The following FRMPD4 variants were observed in gnomAD, a reference collection of about 807,000 sequenced individuals.
FRMPD4 encodes the protein FERM and PDZ domain-containing protein 4.
Under a neutral mutation model 94.1 loss-of-function variants are expected in FRMPD4, and 22 were observed. That is an observed-to-expected ratio of 0.23 (90% confidence interval 0.17 to 0.33). The LOEUF (loss-of-function observed/expected upper bound fraction) is 0.33, where lower values mean the gene tolerates loss of function less well. FRMPD4 is among the 10% of genes least tolerant of loss of function. The pLI is 1.00. For synonymous variants in FRMPD4, 631 were observed against 548.6 expected, an observed-to-expected ratio of 1.15 and a Z score of -2.10; for missense variants, 1,111 against 1,339.9, an observed-to-expected ratio of 0.83 and a Z score of 2.67.
At chrX:12,270,225 A>G (rs2054334363) in intron 1 of FRMPD4, among the ~76,000 whole-genome samples, 1 of 108,901 alleles carries the variant, frequency 9.2e-6, no homozygotes. Flanking sequence ...TGCTAATCTA[A>G]TGAGGAATAT....
chrX:12,713,082 CTAAAAGAAAAAAA>C lies in FRMPD4; in HGVS notation c.1609+2546_1609+2558del, dbSNP rs888551580. ...TGGCTGACAAAGCAAGATCCTGTGT[CTAAAAGAAAAAAA>C]AAAAAGAAAAGTAAAGAAATTCCAA... On this transcript the variant is annotated intron_variant, in intron 14 of 16. Transcript: ENST00000675598. 7.1e-4 allele frequency among the ~76,000 whole-genome samples: 52 copies of C among 73,338 alleles called. No individual in the cohort carries two copies. In the East Asian group the frequency reaches 0.03, roughly 43 times the overall value. 63.7% of individuals were successfully genotyped at this position (73,338 alleles called of 115,157 possible).
At chrX:11,839,227 T>C (rs1018682421) in intron 1 of FRMPD4, among the ~76,000 whole-genome samples, 17 of 111,874 alleles carry the variant, frequency 1.5e-4, no homozygotes, top group Non-Finnish European at 3.8e-5. Context: ...CAGTAGTATA[T>C]AAGGGTTCTA....
At chrX:12,706,013 T>C (rs1430655812) in intron 11 of FRMPD4, among the ~76,000 whole-genome samples, 1 of 112,014 alleles carries the variant, frequency 8.9e-6, no homozygotes, top group African/African-American at 3.2e-5. Context: ...TGCCACTTAA[T>C]GGTGGTCTAC....
At chrX:11,921,283 C>T (rs935957046) in intron 3 of FRMPD4, among the ~76,000 whole-genome samples, 2 of 112,001 alleles carry the variant, frequency 1.8e-5, no homozygotes, top group Admixed American at 9.4e-5. Context: ...TTCAGGTGGC[C>T]GCCTTCTTGC....
At chrX:12,687,259 T>G (rs2060034817) in intron 7 of FRMPD4, among the ~76,000 whole-genome samples, 1 of 112,327 alleles carries the variant, frequency 8.9e-6, no homozygotes, top group African/African-American at 3.2e-5. Flanking sequence ...GAGCATTAAA[T>G]CATCCTCAAA....
chrX:12,358,259 C>T (rs2055925555), intron 1 of FRMPD4, among the ~76,000 whole-genome samples: 1 of 111,011 alleles, frequency 9.0e-6, no homozygotes, highest in African/African-American at 3.3e-5. Context: ...TCATTTTTGT[C>T]TCTGCCCCCA....
rs752750903 is a variant in FRMPD4, at chrX:12,718,542, T to C, written c.3716T>C (p.Leu1239Pro). The C allele has an allele frequency of 8.3e-7, 1 of 1,202,928 alleles. No individual in the cohort carries two copies. ...SACATPVESP[L>P]CPSLGKHLIP... ...TGTGCCACACCCGTGGAGTCGCCGC[T>C]CTGCCCCTCCCTGGGGAAGCACTTG... Residue 1239 changes from leucine (L) to proline (P), a missense_variant, in exon 16 of 17, where the codon CTC becomes CCC. By Grantham distance (98) the Leu-to-Pro change is moderately conservative. Coordinates refer to ENST00000675598, the MANE Select transcript of FRMPD4 (RefSeq NM_001368397.1).
chrX:12,447,743 T>C (rs1375817974), intron 1 of FRMPD4, among the ~76,000 whole-genome samples: 2 of 112,083 alleles, frequency 1.8e-5, no homozygotes, highest in African/African-American at 6.5e-5. Flanking sequence ...AGATTCCTGG[T>C]AAAATCCAGT....
chrX:12,025,313 A>G (rs2054653501), intron 3 of FRMPD4, among the ~76,000 whole-genome samples: 1 of 109,440 alleles, frequency 9.1e-6, no homozygotes, highest in Non-Finnish European at 1.9e-5. Context: ...TCTAAGCTCC[A>G]GACTCATGAA....
At chrX:12,039,975 A>AG (rs1569147274) in intron 3 of FRMPD4, among the ~76,000 whole-genome samples, 2 of 105,738 alleles carry the variant, frequency 1.9e-5, no homozygotes, top group Non-Finnish European at 4.0e-5. Flanking sequence ...GTCAAAAAAA[A>AG]AAAAAAAAAG....
At chrX:12,402,874 C>T (rs965373959) in intron 1 of FRMPD4, among the ~76,000 whole-genome samples, 3 of 112,117 alleles carry the variant, frequency 2.7e-5, no homozygotes, top group African/African-American at 9.7e-5. Flanking sequence ...TCAGCCCTTA[C>T]CAAACAAGTG....
intron 3 of FRMPD4, among the ~76,000 whole-genome samples, chrX:11,915,618 A>G (rs751747470): frequency 8.9e-6 from 1 of 112,472 alleles, no homozygotes; most frequent in Non-Finnish European, 1.9e-5. Context: ...CCTTAGTTCT[A>G]CTGGTCATAT....
At chrX:11,943,809 T>G (rs1246225744) in intron 3 of FRMPD4, among the ~76,000 whole-genome samples, 1 of 112,118 alleles carries the variant, frequency 8.9e-6, no homozygotes, top group Admixed American at 9.5e-5. Context: ...ATCTAATTGC[T>G]TCTTAAACCT....
Position 11,913,599 on chromosome X carries a change from T to C in FRMPD4, c.95+35581T>C, listed in dbSNP as rs185206121. Among the ~76,000 whole-genome samples the C allele has an allele frequency of 1.6e-3, 184 of 112,431 alleles. 1 individual carries two copies. Among genetic ancestry groups the C allele is most frequent in the Middle Eastern group, 4.6e-3 (1 of 216 alleles). Reference sequence around the variant, plus strand: ...AGATCTCTTCTAGACACCTGGATCATAGAAGAAAATTAGTTGACATTGGAA... The same window carrying C: ...AGATCTCTTCTAGACACCTGGATCACAGAAGAAAATTAGTTGACATTGGAA... On this transcript the variant is annotated intron_variant, in intron 3 of 18. Transcript: ENST00000640291.
chrX:12,031,966 T>C (rs759909319), intron 3 of FRMPD4, among the ~76,000 whole-genome samples: 1 of 111,896 alleles, frequency 8.9e-6, no homozygotes, highest in African/African-American at 3.2e-5. Context: ...GATGTTTCTT[T>C]GGATGTGGTG....
chrX:12,316,671 C>T (rs1302007912), intron 1 of FRMPD4, among the ~76,000 whole-genome samples: 4 of 111,032 alleles, frequency 3.6e-5, no homozygotes, highest in Non-Finnish European at 7.5e-5. Flanking sequence ...TATTCCATCA[C>T]AAGGGTATCC....
At chrX:12,301,105 C>T (rs745697163) in intron 1 of FRMPD4, among the ~76,000 whole-genome samples, 159 of 111,226 alleles carry the variant, frequency 1.4e-3, no homozygotes, top group South Asian at 8.8e-3. Flanking sequence ...GGGTGGGGAG[C>T]CCTGTGGCTT....
intron 3 of FRMPD4, among the ~76,000 whole-genome samples, chrX:12,128,032 G>C (rs2055515708): frequency 2.7e-5 from 3 of 112,775 alleles, no homozygotes; most frequent in Admixed American, 9.3e-5. Context: ...CCTCCCAGCT[G>C]TTTCCACAGG....
chrX:11,967,600 C>T (rs1161640162), intron 3 of FRMPD4, among the ~76,000 whole-genome samples: 1 of 111,354 alleles, frequency 9.0e-6, no homozygotes, highest in Non-Finnish European at 1.9e-5. Context: ...TGAGCACCTG[C>T]TCTTGTTGTC....
Sources: gnomAD v4.1 joint callset for allele counts (sites outside exome capture counted in the v4.1 genomes callset) on GRCh38, gnomAD v4.1.1 for gene constraint, MANE v1.5 for transcripts, NCBI Gene and HGNC (gene_info 2026-07-23, HGNC 2026-07-21) for gene names.